The following BRI3 variants were observed in gnomAD, a reference collection of about 807,000 sequenced individuals.
BRI3 encodes the protein brain protein I3, also known as membrane protein BRI3.
In BRI3, 6 loss-of-function variants were observed where a neutral mutation model predicts 12.8. The ratio of observed to expected loss-of-function variants is 0.47; its 90% CI spans 0.26 to 0.93. The LOEUF (loss-of-function observed/expected upper bound fraction) is 0.93. Ranked by LOEUF, BRI3 falls within the 40% of genes least tolerant of loss-of-function variation. The pLI is 0.15. For synonymous variants in BRI3, 91 were observed against 76.1 expected, an observed-to-expected ratio of 1.20 and a Z score of -1.02; for missense variants, 134 against 171.1, an observed-to-expected ratio of 0.78 and a Z score of 1.21.
intron 1 of BRI3, chr7:98,306,783 C>T (rs1395665357): frequency 2.2e-6 from 1 of 453,412 alleles, no homozygotes; most frequent in East Asian, 4.7e-5. Flanking sequence ...TCATAGCTCA[C>T]AGCAGCCTCG....
At chr7:98,316,449 C>T in the BRI3 span, among the ~76,000 whole-genome samples, 1 of 152,174 alleles carries the variant, frequency 6.6e-6, no homozygotes, top group Non-Finnish European at 1.5e-5. Context: ...CATGTTTTGG[C>T]AGGAGGTCAC....
At chr7:98,308,459 A>G (rs530506596) in exon 2 of BRI3, 3 of 367,372 alleles carry the variant, frequency 8.2e-6, no homozygotes, top group East Asian at 1.5e-4. Flanking sequence ...AATGTCTCAC[A>G]GCTGCCATCC....
upstream of BRI3, among the ~76,000 whole-genome samples, chr7:98,302,827 C>T (rs1800484637): frequency 6.6e-6 from 1 of 152,140 alleles, no homozygotes; most frequent in Non-Finnish European, 1.5e-5. Context: ...CTCTGTCATC[C>T]AGGCTGGCAT....
chr7:98,303,072 C>G (rs1158196003), upstream of BRI3, among the ~76,000 whole-genome samples: 1 of 152,164 alleles, frequency 6.6e-6, no homozygotes, highest in African/African-American at 2.4e-5. Flanking sequence ...CAGACATGAG[C>G]CATTGCACCT....
intron 1 of BRI3, among the ~76,000 whole-genome samples, chr7:98,299,209 G>A (rs1298930081): frequency 6.6e-6 from 1 of 152,036 alleles, no homozygotes; most frequent in Admixed American, 6.6e-5. Context: ...AGTAGAGACA[G>A]GGTTTCACCA....
At chr7:98,292,792 C>T (rs751452701), downstream of BRI3, 123 of 1,541,060 alleles carry the variant, frequency 8.0e-5, no homozygotes, top group Non-Finnish European at 1.1e-4. Context: ...GCCGTGACTC[C>T]GACGCCCAGG....
intron 2 of BRI3, among the ~76,000 whole-genome samples, chr7:98,289,393 G>A (rs1799822290): frequency 6.6e-6 from 1 of 152,252 alleles, no homozygotes; most frequent in Non-Finnish European, 1.5e-5. Context: ...CAGGGGTGGG[G>A]GCAGTGGCCC....
chr7:98,307,756 C>T, exon 2 of BRI3: 2 of 1,614,260 alleles, frequency 1.2e-6, no homozygotes, highest in Non-Finnish European at 1.7e-6. Context: ...AGCGTGATGA[C>T]ATCTCCCTGT....
chr7:98,304,437 T>C, upstream of BRI3: 3 of 1,552,378 alleles, frequency 1.9e-6, no homozygotes, highest in African/African-American at 1.4e-5. Flanking sequence ...ACCCCAAACA[T>C]CCTCTGTGTC....
chr7:98,311,692 G>C (rs1800877161), downstream of BRI3, among the ~76,000 whole-genome samples: 1 of 151,892 alleles, frequency 6.6e-6, no homozygotes. Context: ...CAGATCACGA[G>C]GTCAGGAGTT....
chr7:98,310,331 C>G, exon 2 of BRI3: 1 of 1,206,356 alleles, frequency 8.3e-7, no homozygotes, highest in Non-Finnish European at 1.2e-6. Context: ...ATCTACCATA[C>G]CTGCTTGTTT....
At chr7:98,316,178 G>A in the BRI3 span, among the ~76,000 whole-genome samples, 7 of 152,162 alleles carry the variant, frequency 4.6e-5, no homozygotes, top group African/African-American at 1.7e-4. Flanking sequence ...TTTGCCTGCT[G>A]CCATCCATGT....
At chr7:98,293,435 C>G, downstream of BRI3, 1 of 1,296,064 alleles carries the variant, frequency 7.7e-7, no homozygotes. Flanking sequence ...TGAAGCTTCC[C>G]GACCGTCAGC....
At chr7:98,321,071 T>C in the BRI3 span, among the ~76,000 whole-genome samples, 1 of 151,794 alleles carries the variant, frequency 6.6e-6, no homozygotes, top group Non-Finnish European at 1.5e-5. Flanking sequence ...GTTGCCCAGG[T>C]TGGTCTCGAA....
At chr7:98,319,722 T>C in the BRI3 span, among the ~76,000 whole-genome samples, 1 of 152,014 alleles carries the variant, frequency 6.6e-6, no homozygotes, top group African/African-American at 2.4e-5. Context: ...AATTTTTTTT[T>C]GTATTTTGAG....
chr7:98,317,967 A>T, the BRI3 span, among the ~76,000 whole-genome samples: 1 of 150,546 alleles, frequency 6.6e-6, no homozygotes, highest in African/African-American at 2.4e-5. Flanking sequence ...ATTTCACACC[A>T]TCCTTACGCT....
intron 1 of BRI3, among the ~76,000 whole-genome samples, chr7:98,299,825 G>C (rs1301844738): frequency 6.6e-6 from 1 of 152,148 alleles, no homozygotes; most frequent in Non-Finnish European, 1.5e-5. Flanking sequence ...AGGATCACCT[G>C]AGATCAGGAG....
At chr7:98,313,627 T>C (rs1562969852), downstream of BRI3, among the ~76,000 whole-genome samples, 1 of 152,114 alleles carries the variant, frequency 6.6e-6, no homozygotes, top group Non-Finnish European at 1.5e-5. Flanking sequence ...CATTTTCTTC[T>C]GCTTTTTTGA....
chr7:98,299,482 C>T (rs936905813), intron 1 of BRI3, among the ~76,000 whole-genome samples: 2 of 150,002 alleles, frequency 1.3e-5, no homozygotes, highest in African/African-American at 2.5e-5. Flanking sequence ...GAGCCTCAGC[C>T]ATGGTACCTG....
Sources: gnomAD v4.1 joint callset for allele counts (sites outside exome capture counted in the v4.1 genomes callset) on GRCh38, gnomAD v4.1.1 for gene constraint, MANE v1.5 for transcripts, NCBI Gene and HGNC (gene_info 2026-07-23, HGNC 2026-07-21) for gene names.